Variants in YLPM1 observed in about 807,000 individuals in gnomAD.
YLPM1 encodes YLP motif-containing protein 1.
In YLPM1, 99 loss-of-function variants were observed where a neutral mutation model predicts 230.0. The observed-to-expected ratio is 0.43, with a 90% CI of 0.37 to 0.51. YLPM1 has a LOEUF of 0.51. YLPM1 is among the 20% of genes least tolerant of loss of function. The probability of loss-of-function intolerance (pLI) is 0.00; values close to 1 mark genes in which losing one functional copy is unlikely to be tolerated. For synonymous variants in YLPM1, 984 were observed against 942.5 expected, an observed-to-expected ratio of 1.04 and a Z score of -0.81; for missense variants, 2,592 against 2,707.7, an observed-to-expected ratio of 0.96 and a Z score of 0.95.
At chr14:74,811,526 T>C in intron 9 of YLPM1, 94 bp from the exon 10 acceptor site, 1 of 824,764 alleles carries the variant, frequency 1.2e-6, no homozygotes, top group East Asian at 2.8e-5. Flanking sequence ...TACCTTCCTA[T>C]AGAGAAAATT....
chr14:74,773,953 T>G (rs2091006339), intron 1 of YLPM1, among the ~76,000 whole-genome samples: 1 of 152,048 alleles, frequency 6.6e-6, no homozygotes, highest in South Asian at 2.1e-4. Flanking sequence ...ACTCCTGACC[T>G]CAGGTGACCT....
intron 18 of YLPM1, among the ~76,000 whole-genome samples, chr14:74,827,027 C>T (rs1222086970): frequency 6.6e-6 from 1 of 152,168 alleles, no homozygotes; most frequent in African/African-American, 2.4e-5. Flanking sequence ...CAGACAGATT[C>T]ATCTCTTCAG....
Position 74,763,542 on chromosome 14 carries a change from C to G in YLPM1, c.53C>G (p.Pro18Arg). 6.5e-7 allele frequency: 1 copy of G among 1,528,580 alleles called. No homozygotes were observed. The highest frequency in any genetic ancestry group is 8.8e-7 in the Non-Finnish European group (1 of 1,136,448). 94.7% of individuals were successfully genotyped at this position (1,528,580 alleles called of 1,614,324 possible). A position where few individuals can be genotyped will look rare whatever the true frequency, so the allele number is the denominator to read the frequency against. ...YGGSSHYPPP[P>R]VPPPPPVALP... is the part of the protein sequence containing the mutation. Reference sequence around the variant, plus strand: ...GGGAGCAGCCACTATCCGCCGCCACCGGTCCCACCGCCGCCGCCAGTGGCG... The same window carrying G: ...GGGAGCAGCCACTATCCGCCGCCACGGGTCCCACCGCCGCCGCCAGTGGCG... The change falls in exon 1 of 21, where the codon CCG becomes CGG. Residue 18 changes from proline to arginine, a missense_variant. Pro to Arg is a moderately radical substitution (Grantham distance 103). Around this residue, in one of 4 missense-constraint regions of YLPM1, gnomAD observed 1,862 missense variants for 1,819.8 expected, o/e 1.02. Transcript: ENST00000325680.
chr14:74,796,289 G>A (rs1277788878), intron 4 of YLPM1, among the ~76,000 whole-genome samples: 1 of 152,156 alleles, frequency 6.6e-6, no homozygotes, highest in African/African-American at 2.4e-5. Context: ...TCTTGACTCT[G>A]TTTCCCCTTT....
At position 74,799,457 on chromosome 14, in the gene YLPM1, G is replaced by A. The variant is rs756482021; in HGVS notation, c.4160G>A (p.Arg1387Gln). ...PERGDTWREK[R>Q]DYVPDRMDWE... ...AGAGGAGATACATGGCGGGAAAAGC[G>A]AGATTATGTTCCTGACAGAATGGAC... Residue 1387 changes from arginine (R) to glutamine (Q), a missense_variant, in exon 5 of 21, where the codon CGA becomes CAA. By Grantham distance (43) the Arg-to-Gln change is conservative. This residue lies in a region of YLPM1 where 1,862 missense variants were observed against 1,819.8 expected (regional missense o/e 1.02). Transcript: ENST00000325680. 6.1e-5 allele frequency: 98 copies of A among 1,613,880 alleles called. No homozygotes were observed. The highest frequency in any genetic ancestry group is 6.9e-5 in the Non-Finnish European group (82 of 1,179,894).
chr14:74,791,185 T>C (rs960494967), intron 4 of YLPM1, among the ~76,000 whole-genome samples: 1 of 152,158 alleles, frequency 6.6e-6, no homozygotes, highest in African/African-American at 2.4e-5. Context: ...GGAGGATCAC[T>C]GGAACCCAGG....
chr14:74,835,973 G>A lies in YLPM1; in HGVS notation c.*235G>A. 1 of 445,030 alleles carries A rather than the reference G, an allele frequency of 2.2e-6. No homozygotes were observed. The highest frequency in any genetic ancestry group is 1.6e-5 in the South Asian group (1 of 62,194). The allele number at this position is 445,030 out of a possible 1,614,324, so 27.6% of individuals were successfully genotyped here. ...TTCTTTTAACTGTTTTGGGGAGGGA[G>A]GGAGTGATAGCTTAACTGCTGAAGC... On this transcript the variant is annotated 3_prime_UTR_variant, in exon 21 of 21. Transcript: ENST00000325680.
chr14:74,834,183 T>TAAAAAAA (rs5809680), intron 19 of YLPM1, among the ~76,000 whole-genome samples: 1 of 130,370 alleles, frequency 7.7e-6, no homozygotes, highest in African/African-American at 2.8e-5. Flanking sequence ...ACTCTGACTC[T>TAAAAAAA]AAAAAAAAAA....
intron 17 of YLPM1, 67 bp downstream of exon 17, chr14:74,821,204 C>G (rs1288454366): frequency 1.2e-5 from 18 of 1,477,436 alleles, no homozygotes; most frequent in Non-Finnish European, 1.5e-5. Flanking sequence ...GGTTTAAATT[C>G]AGATCTGTGG....
At chr14:74,777,671 C>G (rs2091055505) in intron 1 of YLPM1, among the ~76,000 whole-genome samples, 7 of 151,408 alleles carry the variant, frequency 4.6e-5, no homozygotes, top group Admixed American at 4.6e-4. Context: ...AATGCTACAA[C>G]AGGTGTTTCA....
chr14:74,809,939 C>A lies in YLPM1; in HGVS notation c.4969C>A (p.Pro1657Thr), dbSNP rs939467008. The A allele has an allele frequency of 2.5e-6, 4 of 1,609,674 alleles. No homozygotes were observed. Among genetic ancestry groups the A allele is most frequent in the Non-Finnish European group, 2.5e-6 (3 of 1,177,688 alleles). The change falls in exon 8 of 21, where the codon CCT becomes ACT. Residue 1657 changes from proline (P) to threonine (T), a missense_variant. Physicochemically the swap from Pro to Thr is conservative, Grantham distance 38. This residue lies in a region of YLPM1 where 403 missense variants were observed against 426.7 expected (regional missense o/e 0.94). Transcript: ENST00000325680. ...DISTNKVEQI[P>T]YGERITLRPD... ...ATCCACTAATAAAGTTGAACAGATACCTTATGGAGAAAGAATAACTCTACG... is the reference window on the plus strand; with the variant it reads ...ATCCACTAATAAAGTTGAACAGATAACTTATGGAGAAAGAATAACTCTACG...
Position 74,811,617 on chromosome 14 carries a change from T to C in YLPM1, c.5229-3T>C. Reference sequence around the variant, plus strand: ...CTGAAGCGCTTCCTATTACACCTTCTAGAGCTCAGTCATATCGAGACAAAA... The same window carrying C: ...CTGAAGCGCTTCCTATTACACCTTCCAGAGCTCAGTCATATCGAGACAAAA... On this transcript the variant is annotated splice_polypyrimidine_tract_variant and splice_region_variant and intron_variant, in intron 9 of 20. Transcript: ENST00000325680. 6.2e-7 allele frequency: 1 copy of C among 1,606,238 alleles called. No homozygotes were observed. Among genetic ancestry groups the C allele is most frequent in the South Asian group, 1.1e-5 (1 of 89,856 alleles).
Position 74,764,030 on chromosome 14 carries a change from C to G in YLPM1, c.541C>G (p.Gln181Glu), listed in dbSNP as rs763071273. Residue 181 changes from glutamine to glutamate, a missense_variant, in exon 1 of 21, where the codon CAG becomes GAG. Coordinates refer to ENST00000325680, the MANE Select transcript of YLPM1 (RefSeq NM_019589.3). The stretch of plus-strand genomic sequence containing the variant: ...CTCTTACTACCCCCCGACCTCATCT[C>G]AGCCCTACCTGCCTCCTGCTCAGCC... ...PPSYYPPTSS[Q>E]PYLPPAQPSP... 6.2e-7 allele frequency: 1 copy of G among 1,611,206 alleles called. No homozygotes were observed. The highest frequency in any genetic ancestry group is 8.5e-7 in the Non-Finnish European group (1 of 1,179,064).
chr14:74,829,135 C>T, intron 18 of YLPM1, 78 bp from the exon 19 acceptor site: 1 of 1,565,506 alleles, frequency 6.4e-7, no homozygotes, highest in Non-Finnish European at 8.7e-7. Context: ...AGCGTTCCAG[C>T]CTTCTTTTCC....
intron 9 of YLPM1, among the ~76,000 whole-genome samples, chr14:74,811,393 G>C (rs2091433042): frequency 6.6e-6 from 1 of 152,034 alleles, no homozygotes; most frequent in Non-Finnish European, 1.5e-5. Context: ...TGAGATGGGA[G>C]GATTGCTTGA....
At chr14:74,765,296 C>G (rs1015254873) in intron 1 of YLPM1, among the ~76,000 whole-genome samples, 8 of 152,056 alleles carry the variant, frequency 5.3e-5, no homozygotes, top group African/African-American at 1.7e-4. Flanking sequence ...ACCTTAGATT[C>G]ACTAAGGAAA....
At chr14:74,806,502 G>C (rs1416771320) in intron 6 of YLPM1, among the ~76,000 whole-genome samples, 1 of 152,190 alleles carries the variant, frequency 6.6e-6, no homozygotes, top group Non-Finnish European at 1.5e-5. Context: ...TGAGGCAGGA[G>C]AATTGCTTGA....
rs773569374 is a variant in YLPM1, at chr14:74,799,086, T to G, written c.3789T>G (p.Pro1263=). ...SRSHDGDRRG[P]WWDDWERDQD... ...CTCATGATGGAGATAGGCGAGGCCC[T>G]TGGTGGGATGATTGGGAGAGAGACC... The change falls in exon 5 of 21, where the codon CCT becomes CCG. Residue 1263 remains proline, a synonymous_variant. Transcript: ENST00000325680. 1 of 1,613,858 alleles carries G rather than the reference T, an allele frequency of 6.2e-7. No individual in the cohort carries two copies. The highest frequency in any genetic ancestry group is 2.2e-5 in the East Asian group (1 of 44,870).
At chr14:74,808,469 T>C (rs1405550135) in intron 6 of YLPM1, among the ~76,000 whole-genome samples, 1 of 152,198 alleles carries the variant, frequency 6.6e-6, no homozygotes, top group African/African-American at 2.4e-5. Flanking sequence ...TTATTTTTCT[T>C]GGATAGATAC....
Sources: allele counts gnomAD v4.1 joint callset (sites outside exome capture counted in the v4.1 genomes callset), GRCh38; gene constraint gnomAD v4.1.1; regional missense constraint gnomAD v4.1.1; transcripts MANE v1.5; gene names NCBI Gene and HGNC (gene_info 2026-07-23, HGNC 2026-07-21).